Variants in ELP3 observed in about 807,000 individuals in gnomAD.
The protein encoded by ELP3 is elongator complex protein 3.
In ELP3, 56 loss-of-function variants were observed where a neutral mutation model predicts 74.9. The ratio of observed to expected loss-of-function variants is 0.75; its 90% CI spans 0.60 to 0.93. The LOEUF is 0.93. Ranked by LOEUF, ELP3 falls within the 40% of genes least tolerant of loss-of-function variation. ELP3 has a pLI of 0.00. For synonymous variants in ELP3, 222 were observed against 239.8 expected, an observed-to-expected ratio of 0.93 and a Z score of 0.68; for missense variants, 573 against 686.5, an observed-to-expected ratio of 0.83 and a Z score of 1.85.
intron 11 of ELP3, among the ~76,000 whole-genome samples, chr8:28,156,313 A>C (rs1228602887): frequency 6.6e-6 from 1 of 152,202 alleles, no homozygotes; most frequent in African/African-American, 2.4e-5. Context: ...TTGAAGTATT[A>C]GGTATTCAGT....
intron 10 of ELP3, 132 bp downstream of exon 10, chr8:28,138,023 T>A: frequency 1.2e-6 from 1 of 829,094 alleles, no homozygotes; most frequent in Non-Finnish European, 1.8e-6. Context: ...GAATGCTATC[T>A]GTAAATAGGG....
At chr8:28,173,859 C>T (rs1448743455) in intron 14 of ELP3, among the ~76,000 whole-genome samples, 1 of 151,912 alleles carries the variant, frequency 6.6e-6, no homozygotes, top group Non-Finnish European at 1.5e-5. Flanking sequence ...TCTTCTTTAG[C>T]CCATTGGTTG....
At chr8:28,157,035 C>T (rs1813853820) in intron 11 of ELP3, among the ~76,000 whole-genome samples, 3 of 152,262 alleles carry the variant, frequency 2.0e-5, no homozygotes, top group Admixed American at 1.3e-4. Flanking sequence ...CATCTCCTCT[C>T]GCCTCCAAGA....
intron 7 of ELP3, among the ~76,000 whole-genome samples, chr8:28,125,101 A>G (rs117536394): frequency 1.3e-3 from 194 of 152,316 alleles, no homozygotes; most frequent in Non-Finnish European, 2.2e-3. Context: ...AATAGTTAAG[A>G]AGAGGAATTT....
chr8:28,120,851 A>G (rs1220415993), intron 7 of ELP3, among the ~76,000 whole-genome samples: 1 of 152,234 alleles, frequency 6.6e-6, no homozygotes, highest in Admixed American at 6.5e-5. Context: ...CGAAGGACTC[A>G]GTAAATGTGG....
At chr8:28,109,522 G>C (rs1245710179) in intron 5 of ELP3, among the ~76,000 whole-genome samples, 1 of 152,150 alleles carries the variant, frequency 6.6e-6, no homozygotes, top group Admixed American at 6.5e-5. Context: ...TACACAGGTT[G>C]CCTATCCCTT....
intron 14 of ELP3, chr8:28,183,150 A>AAGCTCGTG: frequency 2.2e-6 from 1 of 456,196 alleles, no homozygotes; most frequent in Non-Finnish European, 4.4e-6. Flanking sequence ...ACATATAGTA[A>AAGCTCGTG]AGCTCGTGTA....
In ELP3 at chr8:28,105,490, T is replaced by G. The variant is rs1811652776; in HGVS notation, c.259-1223T>G. On this transcript the variant is annotated intron_variant, in intron 3 of 14. Transcript: ENST00000256398. ...CCCAAGGAGCCCTGGTTTCTTTTAG[T>G]TGGAGAAGGATATTTAGATACTAAG... Among the ~76,000 whole-genome samples the G allele has an allele frequency of 1.3e-5, 2 of 152,188 alleles. 1 individual carries two copies. The highest frequency in any genetic ancestry group is 4.1e-4 in the South Asian group (2 of 4,830).
chr8:28,115,911 G>A (rs1182092829), intron 7 of ELP3, among the ~76,000 whole-genome samples: 4 of 152,062 alleles, frequency 2.6e-5, no homozygotes, highest in African/African-American at 9.7e-5. Context: ...ATGGGGTGAG[G>A]GTTTCATATA....
intron 11 of ELP3, among the ~76,000 whole-genome samples, chr8:28,156,314 G>T (rs1292894585): frequency 1.3e-5 from 2 of 152,134 alleles, no homozygotes; most frequent in African/African-American, 4.8e-5. Flanking sequence ...TGAAGTATTA[G>T]GTATTCAGTT....
chr8:28,106,704 C>G lies in ELP3; in HGVS notation c.259-9C>G. 2 of 1,610,814 alleles carry G rather than the reference C, an allele frequency of 1.2e-6. No homozygotes were observed. Among genetic ancestry groups the G allele is most frequent in the Non-Finnish European group, 1.7e-6 (2 of 1,178,054 alleles). On this transcript the variant is annotated splice_polypyrimidine_tract_variant and intron_variant, in intron 3 of 14. Transcript: ENST00000256398. ...TATAATAGCTTTTTTATTCATCTTTCTTTTATAGATTGCTGTCGTGGCTGT... is the reference window on the plus strand; with the variant it reads ...TATAATAGCTTTTTTATTCATCTTTGTTTTATAGATTGCTGTCGTGGCTGT...
At chr8:28,142,896 A>T (rs769962843) in intron 10 of ELP3, among the ~76,000 whole-genome samples, 45 of 151,886 alleles carry the variant, frequency 3.0e-4, no homozygotes, top group Non-Finnish European at 5.4e-4. Flanking sequence ...CTGTGGACTG[A>T]GGTTCAGTAA....
intron 14 of ELP3, among the ~76,000 whole-genome samples, chr8:28,177,131 CTG>C (rs1479913973): frequency 6.6e-6 from 1 of 152,138 alleles, no homozygotes; most frequent in Non-Finnish European, 1.5e-5. Context: ...TTGAGGTACT[CTG>C]TATTTCCACA....
At chr8:28,144,191 C>G (rs17058630) in intron 10 of ELP3, among the ~76,000 whole-genome samples, 4,208 of 152,266 alleles carry the variant, frequency 0.028, 211 homozygotes, top group African/African-American at 0.097. Context: ...ATTCTTTCCT[C>G]TCACCCAAAC....
At chr8:28,093,335 C>G in intron 1 of ELP3, 102 bp downstream of exon 1, 1 of 1,495,976 alleles carries the variant, frequency 6.7e-7, no homozygotes, top group Non-Finnish European at 9.1e-7. Flanking sequence ...AATCCGCTAC[C>G]CAGTCCAGTC....
At chr8:28,141,261 A>G (rs1206410098) in intron 10 of ELP3, among the ~76,000 whole-genome samples, 1 of 152,218 alleles carries the variant, frequency 6.6e-6, no homozygotes, top group East Asian at 1.9e-4. Context: ...GATAGAGGGT[A>G]TGAGAACGTA....
upstream of ELP3, chr8:28,092,786 T>TACCC: frequency 6.4e-6 from 1 of 156,842 alleles, no homozygotes; most frequent in Non-Finnish European, 1.3e-5. Context: ...CCATTCGCGT[T>TACCC]CCCACCCACC....
chr8:28,165,033 G>A (rs1814253171), intron 14 of ELP3, among the ~76,000 whole-genome samples: 1 of 152,076 alleles, frequency 6.6e-6, no homozygotes, highest in South Asian at 2.1e-4. Flanking sequence ...CTGAGAAGAG[G>A]CACTGATTTG....
In ELP3 at chr8:28,160,389, G is replaced by C. The variant is rs769425829; in HGVS notation, c.1418G>C (p.Arg473Pro). The C allele has an allele frequency of 1.2e-6, 2 of 1,614,146 alleles. No homozygotes were observed. Among genetic ancestry groups the C allele is most frequent in the South Asian group, 2.2e-5 (2 of 91,084 alleles). ...FELGGGVSIV[R>P]ELHVYGSVVP... ...TTGGGTGGAGGTGTCTCCATAGTACGAGAGCTGCATGTGTATGGGAGTGTG... is the reference window on the plus strand; with the variant it reads ...TTGGGTGGAGGTGTCTCCATAGTACCAGAGCTGCATGTGTATGGGAGTGTG... The change falls in exon 13 of 15, where the codon CGA (arginine) becomes CCA (proline). Residue 473 changes from arginine to proline, a missense_variant. Transcript: ENST00000256398.
Sources: allele counts gnomAD v4.1 joint callset (sites outside exome capture counted in the v4.1 genomes callset), GRCh38; gene constraint gnomAD v4.1.1; transcripts MANE v1.5; gene names NCBI Gene and HGNC (gene_info 2026-07-23, HGNC 2026-07-21).